Variants in IFT80 observed in about 807,000 individuals in gnomAD.
IFT80 encodes intraflagellar transport protein 80 homolog.
IFT80 carries 79 observed loss-of-function variants against 107.9 expected under a neutral mutation model. The observed-to-expected ratio is 0.73, with a 90% confidence interval of 0.61 to 0.88. The LOEUF (loss-of-function observed/expected upper bound fraction) is 0.88. IFT80 is among the 40% of genes least tolerant of loss of function. The probability of loss-of-function intolerance (pLI) is 0.00; values close to 1 mark genes in which losing one functional copy is unlikely to be tolerated. For missense variants in IFT80, 797 were observed against 914.2 expected (o/e 0.87, Z 1.65); for synonymous variants, 299 against 300.9 (o/e 0.99, Z 0.07).
At chr3:160,341,418 T>C (rs1719888396) in intron 8 of IFT80, among the ~76,000 whole-genome samples, 1 of 151,718 alleles carries the variant, frequency 6.6e-6, no homozygotes, top group Non-Finnish European at 1.5e-5. Context: ...GAACTTGGCA[T>C]GTGGTACTGG....
At chr3:160,359,959 C>T (rs183051476) in intron 6 of IFT80, among the ~76,000 whole-genome samples, 5 of 152,320 alleles carry the variant, frequency 3.3e-5, no homozygotes, top group Admixed American at 6.5e-5. Flanking sequence ...TCCAAAGGAT[C>T]GCAGCTCCTC....
chr3:160,308,833 T>C (rs1717018019), intron 9 of IFT80, among the ~76,000 whole-genome samples: 1 of 152,126 alleles, frequency 6.6e-6, no homozygotes, highest in Non-Finnish European at 1.5e-5. Flanking sequence ...TATTAGCAGG[T>C]GGAGCCTTTG....
At position 160,277,317 on chromosome 3, in the gene IFT80, G is replaced by T; in HGVS notation, c.2088C>A (p.Tyr696Ter). The T allele has an allele frequency of 6.2e-7, 1 of 1,612,440 alleles. No homozygotes were observed. ...YQAIQININL[Y>*]NWERALELAV... is the part of the protein sequence containing the mutation. ...AGCATTCTTATTACCTTTCCCAGTT[G>T]TAGAGATTAATATTGATCTGGATTG... Residue 696 changes from tyrosine to a stop codon, truncating the protein, a stop_gained, in exon 18 of 20, where the codon TAC (tyrosine) becomes TAA (stop). Coordinates refer to ENST00000326448, the MANE Select transcript of IFT80 (RefSeq NM_020800.3). LOFTEE classifies it high-confidence loss of function.
chr3:160,261,508 T>G (rs1712830147), intron 19 of IFT80, among the ~76,000 whole-genome samples: 1 of 148,402 alleles, frequency 6.7e-6, no homozygotes, highest in African/African-American at 2.5e-5. Flanking sequence ...AGGGAGATAG[T>G]GAGCACCAGG....
At chr3:160,344,858 A>G (rs1245954499) in intron 8 of IFT80, among the ~76,000 whole-genome samples, 1 of 152,192 alleles carries the variant, frequency 6.6e-6, no homozygotes, top group Non-Finnish European at 1.5e-5. Flanking sequence ...AATATCATTG[A>G]GCATCAGAGA....
At chr3:160,381,754 T>A in intron 2 of IFT80, 30 bp from the exon 3 acceptor site, 1 of 1,546,116 alleles carries the variant, frequency 6.5e-7, no homozygotes, top group Non-Finnish European at 8.9e-7. Context: ...ACATAAAACA[T>A]ACAAAAGTCT....
Position 160,279,295 on chromosome 3 carries a change from G to A in IFT80, c.1734C>T (p.Gly578=). The A allele has an allele frequency of 1.9e-6, 3 of 1,610,922 alleles. No homozygotes were observed. Among genetic ancestry groups the A allele is most frequent in the Non-Finnish European group, 2.5e-6 (3 of 1,177,192 alleles). Residue 578 remains glycine, a synonymous_variant, in exon 16 of 20, where the codon GGC becomes GGT. Coordinates refer to ENST00000326448, the MANE Select transcript of IFT80 (RefSeq NM_020800.3). ...GTGTTATGCTGATGTGAACCAGGGA[G>A]CCATCAGCTCTTCTAATAGTTACTT... ...GNQVTIRRAD[G]SLVHISITPY...
At position 160,381,722 on chromosome 3, in the gene IFT80, G is replaced by T; in HGVS notation, c.40C>A (p.Gln14Lys). 1.2e-6 allele frequency: 2 copies of T among 1,609,646 alleles called. No homozygotes were observed. The highest frequency in any genetic ancestry group is 1.7e-6 in the Non-Finnish European group (2 of 1,177,766). Reference protein sequence around the residue: ...KISLLKEPKHQELVSCVGWTT... With the variant: ...KISLLKEPKHKELVSCVGWTT... ...CAGCCCACACAGCTTACTAATTCTT[G>T]ATGTGTCACCATGTTAAAGAGACAT... Residue 14 changes from glutamine (Q) to lysine (K), a missense_variant and splice_region_variant, in exon 3 of 20, where the codon CAA becomes AAA. Transcript: ENST00000326448.
At chr3:160,269,927 G>C (rs886251945) in intron 18 of IFT80, among the ~76,000 whole-genome samples, 2 of 152,202 alleles carry the variant, frequency 1.3e-5, no homozygotes, top group Non-Finnish European at 2.9e-5. Context: ...TAGCAAAGCT[G>C]ACTACTGATT....
In IFT80 at chr3:160,377,427, T is replaced by C. The variant is rs757638669; in HGVS notation, c.370+3A>G. 1 of 1,510,038 alleles carries C rather than the reference T, an allele frequency of 6.6e-7. No homozygotes were observed. The highest frequency in any genetic ancestry group is 9.2e-7 in the Non-Finnish European group (1 of 1,085,702). 93.5% of individuals were successfully genotyped at this position (1,510,038 alleles called of 1,614,324 possible). A position where few individuals can be genotyped will look rare whatever the true frequency, so the allele number is the denominator to read the frequency against. On this transcript the variant is annotated splice_donor_region_variant and intron_variant, in intron 4 of 19. Transcript: ENST00000326448. ...TCAAATGTCATTTTTACAGACAACT[T>C]ACCTGTAACTAATGCTGTTCCTTCA...
intron 6 of IFT80, among the ~76,000 whole-genome samples, chr3:160,359,113 TGCTCAAGAAGAATTGCA>T (rs1368932712): frequency 1.3e-5 from 2 of 152,248 alleles, no homozygotes; most frequent in Non-Finnish European, 2.9e-5. Flanking sequence ...TATGTTTTTA[TGCTCAAGAAGAATTGCA>T]GCTGCTTTAG....
chr3:160,395,444 A>T (rs1396239539), intron 1 of IFT80, among the ~76,000 whole-genome samples: 1 of 152,208 alleles, frequency 6.6e-6, no homozygotes, highest in Non-Finnish European at 1.5e-5. Context: ...TCCCACCTAA[A>T]AAGAATTTCT....
Position 160,387,895 on chromosome 3 carries a change from T to C in IFT80, c.-46-3249A>G, listed in dbSNP as rs536493507. On this transcript the variant is annotated intron_variant, in intron 1 of 19. Transcript: ENST00000326448. ...GTCTTTAGAATTGTTGGCATTAAGA[T>C]TCCAGAAGAAGTTAACTAGCAAAAA... Among the ~76,000 whole-genome samples, 139 of 152,176 alleles carry C rather than the reference T, an allele frequency of 9.1e-4. 2 individuals carry two copies. Among genetic ancestry groups the C allele is most frequent in the Admixed American group, 5.2e-4 (8 of 15,280 alleles).
intron 18 of IFT80, among the ~76,000 whole-genome samples, chr3:160,275,646 A>AT (rs919539966): frequency 1.3e-5 from 2 of 151,794 alleles, no homozygotes; most frequent in Admixed American, 6.6e-5. Context: ...ATTACCTTAA[A>AT]TTTTTTTTTG....
At chr3:160,397,191 A>T (rs953857345) in intron 1 of IFT80, among the ~76,000 whole-genome samples, 15 of 152,158 alleles carry the variant, frequency 9.9e-5, no homozygotes, top group Non-Finnish European at 8.8e-5. Context: ...ATTTTTTTCC[A>T]TCCTACTTAG....
chr3:160,309,648 C>T (rs1241444356), intron 9 of IFT80, among the ~76,000 whole-genome samples: 1 of 152,012 alleles, frequency 6.6e-6, no homozygotes, highest in African/African-American at 2.4e-5. Context: ...GATTGTGCCA[C>T]TGCGCTCCAG....
intron 19 of IFT80, among the ~76,000 whole-genome samples, chr3:160,260,958 C>T (rs1712776225): frequency 6.6e-6 from 1 of 152,208 alleles, no homozygotes; most frequent in Non-Finnish European, 1.5e-5. Flanking sequence ...CACGAACTTA[C>T]CTGTATCTAC....
chr3:160,312,632 T>A (rs1272823602), intron 9 of IFT80, among the ~76,000 whole-genome samples: 1 of 56,490 alleles, frequency 1.8e-5, no homozygotes. Context: ...TATATATATA[T>A]AATAAATATA....
At chr3:160,260,160 T>C (rs1056174694) in intron 19 of IFT80, among the ~76,000 whole-genome samples, 4 of 152,226 alleles carry the variant, frequency 2.6e-5, no homozygotes, top group Non-Finnish European at 5.9e-5. Context: ...CAATGCCATA[T>C]ACTTATGTAT....
Sources: allele counts gnomAD v4.1 joint callset (sites outside exome capture counted in the v4.1 genomes callset), GRCh38; gene constraint gnomAD v4.1.1; transcripts MANE v1.5; gene names NCBI Gene and HGNC (gene_info 2026-07-23, HGNC 2026-07-21).